The following SMYD2 variants were observed in gnomAD, a reference collection of about 807,000 sequenced individuals.
The protein encoded by SMYD2 is SET and MYND domain containing 2.
In SMYD2, 53 loss-of-function variants were observed where a neutral mutation model predicts 59.1. That is an observed-to-expected ratio of 0.90 (90% CI 0.72 to 1.13). SMYD2 has a LOEUF of 1.13. Among genes scored for constraint, SMYD2 ranks in the 50% most tolerant of loss-of-function variants. The probability of loss-of-function intolerance (pLI) is 0.00; values close to 1 mark genes in which losing one functional copy is unlikely to be tolerated. For synonymous variants in SMYD2, 208 were observed against 198.8 expected, an observed-to-expected ratio of 1.05 and a Z score of -0.39; for missense variants, 494 against 544.7, an observed-to-expected ratio of 0.91 and a Z score of 0.93.
intron 5 of SMYD2, among the ~76,000 whole-genome samples, chr1:214,322,034 G>A (rs751627537): frequency 1.2e-4 from 19 of 152,308 alleles, no homozygotes; most frequent in South Asian, 1.2e-3. Context: ...AAGTGATCGA[G>A]TCTGACTGGT....
intron 1 of SMYD2, among the ~76,000 whole-genome samples, chr1:214,290,943 A>G (rs1656627060): frequency 6.6e-6 from 1 of 152,172 alleles, no homozygotes; most frequent in Non-Finnish European, 1.5e-5. Context: ...TGCCACCTGA[A>G]AAATCTCTTC....
chr1:214,325,644 T>A (rs1435338553), intron 6 of SMYD2, among the ~76,000 whole-genome samples: 1 of 151,964 alleles, frequency 6.6e-6, no homozygotes. Flanking sequence ...CCGTACAGTC[T>A]GTGTCTCGTG....
At chr1:214,316,629 A>AC (rs1657090157) in intron 3 of SMYD2, among the ~76,000 whole-genome samples, 1 of 152,144 alleles carries the variant, frequency 6.6e-6, no homozygotes, top group Non-Finnish European at 1.5e-5. Context: ...CTGTCCCCAG[A>AC]CCAAGTTAGG....
At chr1:214,281,451 G>GC in intron 1 of SMYD2, 24 bp downstream of exon 1, 1 of 1,379,046 alleles carries the variant, frequency 7.3e-7, no homozygotes, top group Non-Finnish European at 9.4e-7. Flanking sequence ...GGCGGCGGCG[G>GC]CGGGCGGGAG....
At chr1:214,281,549 T>TGGGGGGCGGGGA (rs1478771952) in intron 1 of SMYD2, 122 bp downstream of exon 1, 1 of 60,830 alleles carries the variant, frequency 1.6e-5, no homozygotes, top group African/African-American at 8.0e-5. Context: ...TGGGGCGGGG[T>TGGGGGGCGGGGA]GGGGGGCGGG....
At chr1:214,304,558 C>CA (rs56254326) in intron 1 of SMYD2, among the ~76,000 whole-genome samples, 1,122 of 47,292 alleles carry the variant, frequency 0.024, 118 homozygotes, top group Non-Finnish European at 0.03. Flanking sequence ...GACCCTATCT[C>CA]AAAAAAAAAA....
chr1:214,327,720 A>G lies in SMYD2; in HGVS notation c.701A>G (p.Glu234Gly). Reference sequence around the variant, plus strand: ...GCTGTACAGGAAATCAAGCCGGGAGAGGAGGTGAGTTCATGGCTATGGGTG... The same window carrying G: ...GCTGTACAGGAAATCAAGCCGGGAGGGGAGGTGAGTTCATGGCTATGGGTG... ...VRAVQEIKPG[E>G]EVFTSYIDLL... Residue 234 changes from glutamate (E) to glycine (G), a missense_variant, in exon 7 of 12, where the codon GAG becomes GGG. Physicochemically the swap from Glu to Gly is moderately conservative, Grantham distance 98 (BLOSUM62 -2). Coordinates refer to ENST00000366957, the MANE Select transcript of SMYD2 (RefSeq NM_020197.3). 1 of 1,614,020 alleles carries G rather than the reference A, an allele frequency of 6.2e-7. No homozygotes were observed. Among genetic ancestry groups the G allele is most frequent in the Non-Finnish European group, 8.5e-7 (1 of 1,179,922 alleles).
chr1:214,327,620 A>G lies in SMYD2; in HGVS notation c.603-2A>G. On this transcript the variant is annotated splice_acceptor_variant, in intron 6 of 11. Transcript: ENST00000366957. LOFTEE classifies it high-confidence loss of function. Reference sequence around the variant, plus strand: ...AACTGGGTTTTCTCTTCTGACTGACAGTGTTGCATTGATGAATCATAGCTG... The same window carrying G: ...AACTGGGTTTTCTCTTCTGACTGACGGTGTTGCATTGATGAATCATAGCTG... The G allele has an allele frequency of 1.9e-6, 3 of 1,613,604 alleles. No homozygotes were observed. The highest frequency in any genetic ancestry group is 2.5e-6 in the Non-Finnish European group (3 of 1,179,510).
In SMYD2 at chr1:214,302,327, A is replaced by T. The variant is rs1323696315; in HGVS notation, c.174-2860A>T. On this transcript the variant is annotated intron_variant, in intron 1 of 11. Transcript: ENST00000366957. Reference sequence around the variant, plus strand: ...GCACTCAAGCCTGGGCAACAGAGCAAGACTCCGTTTCAAAAAAAAAAAAAA... The same window carrying T: ...GCACTCAAGCCTGGGCAACAGAGCATGACTCCGTTTCAAAAAAAAAAAAAA... Among the ~76,000 whole-genome samples, 3 of 137,778 alleles carry T rather than the reference A, an allele frequency of 2.2e-5. No homozygotes were observed. The East Asian group carries it at 6.5e-4, about 30-fold the overall frequency. The allele number at this position is 137,778 out of a possible 152,430, so 90.4% of individuals were successfully genotyped here.
chr1:214,299,482 T>TATATATATATATATATATATATATACAC (rs751839365), intron 1 of SMYD2, among the ~76,000 whole-genome samples: 1 of 45,864 alleles, frequency 2.2e-5, no homozygotes, highest in African/African-American at 6.7e-5. Context: ...TATATATATA[T>TATATATATATATATATATATATATACAC]ACACCATAGA....
At chr1:214,298,870 T>G (rs887566931) in intron 1 of SMYD2, among the ~76,000 whole-genome samples, 3 of 152,200 alleles carry the variant, frequency 2.0e-5, no homozygotes, top group Non-Finnish European at 4.4e-5. Flanking sequence ...ATAACAGATG[T>G]GGCTGTGCAT....
chr1:214,312,334 A>G lies in SMYD2; in HGVS notation c.238-2428A>G, dbSNP rs1657010739. On this transcript the variant is annotated intron_variant, in intron 2 of 11. Transcript: ENST00000366957. This position sits in a 1 kb window ranked among gnomAD's most constrained non-coding sequence, Gnocchi z 4.1. ...CCTTCAACAACTATATTGAGTGCCT[A>G]CTAAATGCCAGGCACTGTTGTCAGT... 6.6e-6 allele frequency among the ~76,000 whole-genome samples: 1 copy of G among 152,188 alleles called. No individual in the cohort carries two copies. Among genetic ancestry groups the G allele is most frequent in the South Asian group, 2.1e-4 (1 of 4,820 alleles).
chr1:214,290,095 C>T (rs1328504051), intron 1 of SMYD2, among the ~76,000 whole-genome samples: 2 of 152,206 alleles, frequency 1.3e-5, no homozygotes, highest in African/African-American at 4.8e-5. Context: ...CTGCCACCCT[C>T]CGCGGCTTCC....
In SMYD2 at chr1:214,330,586, T is replaced by C. The variant is rs777648882; in HGVS notation, c.816+308T>C. Among the ~76,000 whole-genome samples, 24 of 152,210 alleles carry C rather than the reference T, an allele frequency of 1.6e-4. 1 individual carries two copies. Among genetic ancestry groups the C allele is most frequent in the Non-Finnish European group, 2.6e-4 (18 of 68,044 alleles). ...AGCACATGAGTATAATCTCTAGGCTTTCCAACCTGTTCACCAGAATATGTG... is the reference window on the plus strand; with the variant it reads ...AGCACATGAGTATAATCTCTAGGCTCTCCAACCTGTTCACCAGAATATGTG... On this transcript the variant is annotated intron_variant, in intron 8 of 11. Coordinates refer to ENST00000366957, the MANE Select transcript of SMYD2 (RefSeq NM_020197.3).
chr1:214,334,192 T>C lies in SMYD2; in HGVS notation c.1113-8T>C, dbSNP rs1270676620. 1 of 1,612,492 alleles carries C rather than the reference T, an allele frequency of 6.2e-7. No individual in the cohort carries two copies. The highest frequency in any genetic ancestry group is 8.5e-7 in the Non-Finnish European group (1 of 1,178,996). On this transcript the variant is annotated splice_region_variant and splice_polypyrimidine_tract_variant and intron_variant, in intron 10 of 11. Transcript: ENST00000366957. ...CATGGTGGCCTGTTGTCTCTTCTCT[T>C]GTTCTAGTAAGCACTATCCTTTGTA...
rs7547464 is a variant in SMYD2 at position 214,327,739 on chromosome 1, A to G, written c.705+15A>G. ...CGGGAGAGGAGGTGAGTTCATGGCT[A>G]TGGGTGGCTGCAGCAGGGGGCTTGA... On this transcript the variant is annotated intron_variant, in intron 7 of 11. Transcript: ENST00000366957. 5.7e-3 allele frequency: 9,129 copies of G among 1,609,614 alleles called. 484 individuals carry two copies. In the African/African-American group the frequency reaches 0.11, roughly 19 times the overall value.
At position 214,326,468 on chromosome 1, in the gene SMYD2, GTT is replaced by G. The variant is rs543314695; in HGVS notation, c.603-1152_603-1151del. 4.6e-5 allele frequency among the ~76,000 whole-genome samples: 7 copies of G among 152,190 alleles called. No homozygotes were observed. The East Asian group carries it at 1.4e-3, about 29-fold the overall frequency. The stretch of plus-strand genomic sequence containing the variant: ...AATACAACTACCCTTCGATGCATTT[GTT>G]TATTTGATTTCCTAGGACCTGATTC... On this transcript the variant is annotated intron_variant, in intron 6 of 11. Coordinates refer to ENST00000366957, the MANE Select transcript of SMYD2 (RefSeq NM_020197.3).
intron 1 of SMYD2, among the ~76,000 whole-genome samples, chr1:214,282,022 C>G (rs1392398201): frequency 6.6e-6 from 1 of 152,232 alleles, no homozygotes; most frequent in Non-Finnish European, 1.5e-5. Context: ...GGTGCTGCGA[C>G]GATGAGTTGC....
At chr1:214,314,677 A>G (rs1020586159) in intron 2 of SMYD2, 85 bp from the exon 3 acceptor site, 8 of 944,100 alleles carry the variant, frequency 8.5e-6, no homozygotes, top group African/African-American at 8.2e-5. Flanking sequence ...GACCTTAACT[A>G]GGGGGACTCA....
Sources: gnomAD v4.1 joint callset for allele counts (sites outside exome capture counted in the v4.1 genomes callset) on GRCh38, gnomAD v4.1.1 for gene constraint, Gnocchi (gnomAD v3.1) non-coding constraint, MANE v1.5 for transcripts, NCBI Gene and HGNC (gene_info 2026-07-23, HGNC 2026-07-21) for gene names.